Variants in ASTN1 observed in about 807,000 individuals in gnomAD.
The protein encoded by ASTN1 is astrotactin-1.
Under a neutral mutation model 140.7 loss-of-function variants are expected in ASTN1, and 41 were observed. The observed-to-expected ratio is 0.29, with a 90% confidence interval of 0.23 to 0.38. The LOEUF is 0.38. Ranked by LOEUF, ASTN1 falls within the 10% of genes least tolerant of loss-of-function variation. The pLI is 1.00. For missense variants in ASTN1, 1,479 were observed against 1,678.8 expected, an observed-to-expected ratio of 0.88 and a Z score of 2.08; for synonymous variants, 640 against 652.2, an observed-to-expected ratio of 0.98 and a Z score of 0.29.
intron 1 of ASTN1, among the ~76,000 whole-genome samples, chr1:177,067,702 C>T (rs1447548838): frequency 6.6e-6 from 1 of 152,128 alleles, no homozygotes; most frequent in African/African-American, 2.4e-5. Flanking sequence ...TGACCCAAGT[C>T]TTAATGTCTG....
At chr1:177,122,595 C>G (rs1451451260) in intron 1 of ASTN1, among the ~76,000 whole-genome samples, 2 of 152,194 alleles carry the variant, frequency 1.3e-5, no homozygotes, top group Non-Finnish European at 2.9e-5. Context: ...GACTCCTGCT[C>G]ACAAGACTAG....
At chr1:177,000,829 AC>A (rs1281693227) in intron 8 of ASTN1, among the ~76,000 whole-genome samples, 1 of 152,198 alleles carries the variant, frequency 6.6e-6, no homozygotes, top group Non-Finnish European at 1.5e-5. Flanking sequence ...GAGTGTTCAA[AC>A]AGTGGTTGGG....
chr1:176,918,435 GAAGC>G (rs1670583848), intron 16 of ASTN1, among the ~76,000 whole-genome samples: 1 of 152,080 alleles, frequency 6.6e-6, no homozygotes, highest in Non-Finnish European at 1.5e-5. Flanking sequence ...AGGCCTACAT[GAAGC>G]TCTTTACTGC....
chr1:177,125,038 T>G (rs1289542386), intron 1 of ASTN1, among the ~76,000 whole-genome samples: 1 of 152,250 alleles, frequency 6.6e-6, no homozygotes, highest in Non-Finnish European at 1.5e-5. Flanking sequence ...ACTTCTGATC[T>G]TAACAGGGCT....
chr1:177,101,451 G>A (rs1680295067), intron 1 of ASTN1, among the ~76,000 whole-genome samples: 1 of 152,138 alleles, frequency 6.6e-6, no homozygotes, highest in South Asian at 2.1e-4. Context: ...AAGAAACCAT[G>A]CCCACAAAAA....
intron 7 of ASTN1, among the ~76,000 whole-genome samples, chr1:177,018,850 C>G (rs1184200260): frequency 1.3e-5 from 2 of 152,222 alleles, no homozygotes; most frequent in African/African-American, 4.8e-5. Flanking sequence ...GGAAAGTCAA[C>G]CTCTGGCTGG....
At chr1:177,163,193 A>T (rs986072270) in intron 1 of ASTN1, among the ~76,000 whole-genome samples, 2 of 152,210 alleles carry the variant, frequency 1.3e-5, no homozygotes, top group Non-Finnish European at 2.9e-5. Flanking sequence ...TGTAGTTGGT[A>T]GGGTATCAAG....
chr1:176,859,193 G>T (rs1667891414), downstream of ASTN1, among the ~76,000 whole-genome samples: 2 of 152,090 alleles, frequency 1.3e-5, no homozygotes, highest in Admixed American at 1.3e-4. Flanking sequence ...TCCCTTCTCT[G>T]TCTTTCTTTT....
intron 1 of ASTN1, among the ~76,000 whole-genome samples, chr1:177,109,677 C>T (rs1422572098): frequency 6.6e-6 from 1 of 152,146 alleles, no homozygotes; most frequent in East Asian, 1.9e-4. Context: ...AATCAAGAGA[C>T]CATGGAATAT....
At chr1:176,881,798 A>T (rs1371196871) in intron 20 of ASTN1, among the ~76,000 whole-genome samples, 1 of 152,238 alleles carries the variant, frequency 6.6e-6, no homozygotes, top group Non-Finnish European at 1.5e-5. Context: ...TATTGAAGAC[A>T]TTCAGCCTGA....
chr1:176,943,811 G>C, intron 14 of ASTN1, 80 bp downstream of exon 14: 1 of 1,468,790 alleles, frequency 6.8e-7, no homozygotes, highest in Non-Finnish European at 9.0e-7. Context: ...CAAAATAAGT[G>C]AGGTCAAATC....
At chr1:177,051,658 G>T (rs1677548957) in intron 2 of ASTN1, among the ~76,000 whole-genome samples, 1 of 152,170 alleles carries the variant, frequency 6.6e-6, no homozygotes, top group Non-Finnish European at 1.5e-5. Flanking sequence ...CAGATTTAAA[G>T]ATGACCTCGG....
At chr1:177,164,257 C>A (rs541156009) in intron 1 of ASTN1, 137 bp downstream of exon 1, 1 of 966,124 alleles carries the variant, frequency 1.0e-6, no homozygotes, top group Non-Finnish European at 1.5e-6. Flanking sequence ...GAGAATGGTC[C>A]GGGAGTGGGG....
intron 1 of ASTN1, among the ~76,000 whole-genome samples, chr1:177,106,300 T>C (rs1465715289): frequency 6.6e-6 from 1 of 152,184 alleles, no homozygotes; most frequent in Non-Finnish European, 1.5e-5. Context: ...GTATCCTTTA[T>C]ATTCCTCTCC....
intron 1 of ASTN1, among the ~76,000 whole-genome samples, chr1:177,115,246 C>T (rs1571805225): frequency 6.6e-6 from 1 of 152,084 alleles, no homozygotes; most frequent in East Asian, 1.9e-4. Flanking sequence ...TCACAGGGCC[C>T]AGGGGTTATA....
intron 7 of ASTN1, among the ~76,000 whole-genome samples, chr1:177,017,103 C>T (rs1247125417): frequency 1.3e-5 from 2 of 152,166 alleles, no homozygotes; most frequent in African/African-American, 4.8e-5. Flanking sequence ...CAAGCCGAGC[C>T]TTATTTTCCT....
At chr1:177,013,816 C>T (rs533287957) in intron 8 of ASTN1, among the ~76,000 whole-genome samples, 49 of 152,282 alleles carry the variant, frequency 3.2e-4, no homozygotes, top group African/African-American at 1.1e-3. Context: ...TCCTCCCACC[C>T]TCCTTCAGGA....
intron 16 of ASTN1, among the ~76,000 whole-genome samples, chr1:176,910,238 C>T (rs1027037923): frequency 2.0e-5 from 3 of 152,180 alleles, no homozygotes; most frequent in Non-Finnish European, 4.4e-5. Flanking sequence ...GAATTTTGCA[C>T]GTATCCTGGT....
At chr1:177,019,229 C>T (rs568236679) in intron 7 of ASTN1, among the ~76,000 whole-genome samples, 1 of 152,290 alleles carries the variant, frequency 6.6e-6, no homozygotes, top group East Asian at 1.9e-4. Flanking sequence ...ATAAGAGTAC[C>T]ATCTACTTCA....
Sources: allele counts gnomAD v4.1 joint callset (sites outside exome capture counted in the v4.1 genomes callset), GRCh38; gene constraint gnomAD v4.1.1; transcripts MANE v1.5; gene names NCBI Gene and HGNC (gene_info 2026-07-23, HGNC 2026-07-21).